AASDH: variants seen among roughly 807,000 people sequenced by gnomAD.
AASDH encodes the protein beta-alanine-activating enzyme.
Under a neutral mutation model 102.3 loss-of-function variants are expected in AASDH, and 81 were observed. That is an observed-to-expected ratio of 0.79 (90% CI 0.66 to 0.95). The LOEUF is 0.95. Ranked by LOEUF, AASDH falls within the 40% of genes least tolerant of loss-of-function variation. The pLI, the probability that AASDH is intolerant of heterozygous loss-of-function variation, is 0.00. For synonymous variants in AASDH, 398 were observed against 454.0 expected (o/e 0.88, Z 1.57); for missense variants, 1,203 against 1,266.2 (o/e 0.95, Z 0.76).
At chr4:56,369,751 C>T (rs1751463717) in intron 5 of AASDH, among the ~76,000 whole-genome samples, 1 of 151,546 alleles carries the variant, frequency 6.6e-6, no homozygotes, top group African/African-American at 2.4e-5. Context: ...ACCAGCCTGG[C>T]CATCATCACA....
intron 12 of AASDH, 67 bp from the exon 13 acceptor site, chr4:56,343,751 CATG>C: frequency 2.1e-6 from 3 of 1,459,366 alleles, no homozygotes; most frequent in South Asian, 1.4e-5. Flanking sequence ...ACCTACCCTT[CATG>C]ATATTATGTC....
At chr4:56,358,246 G>A (rs1245632788) in intron 5 of AASDH, among the ~76,000 whole-genome samples, 3 of 151,458 alleles carry the variant, frequency 2.0e-5, no homozygotes, top group Admixed American at 1.3e-4. Flanking sequence ...CTCCTCACCA[G>A]CCCCACCCCT....
At chr4:56,386,907 T>C (rs1397140932) in intron 1 of AASDH, among the ~76,000 whole-genome samples, 1 of 152,034 alleles carries the variant, frequency 6.6e-6, no homozygotes, top group African/African-American at 2.4e-5. Flanking sequence ...AGCTGCTATT[T>C]AGTCAACAAA....
intron 5 of AASDH, among the ~76,000 whole-genome samples, chr4:56,365,575 C>T (rs1287994462): frequency 6.6e-6 from 1 of 152,032 alleles, no homozygotes; most frequent in East Asian, 1.9e-4. Flanking sequence ...TCACTCAAAA[C>T]CGCTCAACTA....
At chr4:56,356,678 T>C (rs987082089) in intron 5 of AASDH, 9 of 689,078 alleles carry the variant, frequency 1.3e-5, no homozygotes, top group African/African-American at 8.7e-5. Flanking sequence ...CCTTATTGCA[T>C]TATCAAGGGG....
chr4:56,371,445 A>G lies in AASDH; in HGVS notation c.861+6T>C. 6.3e-7 allele frequency: 1 copy of G among 1,589,720 alleles called. No homozygotes were observed. The highest frequency in any genetic ancestry group is 1.2e-5 in the South Asian group (1 of 85,338). On this transcript the variant is annotated splice_donor_region_variant and intron_variant, in intron 5 of 14. Transcript: ENST00000205214. ...AAACAAAACGTTCATTGCTACTAAAATGTACCTGCAAAACAGTCACTCTAT... is the reference window on the plus strand; with the variant it reads ...AAACAAAACGTTCATTGCTACTAAAGTGTACCTGCAAAACAGTCACTCTAT...
At chr4:56,360,580 T>C (rs1750174022) in intron 5 of AASDH, among the ~76,000 whole-genome samples, 1 of 152,246 alleles carries the variant, frequency 6.6e-6, no homozygotes, top group African/African-American at 2.4e-5. Context: ...CTAAGATTGC[T>C]ATATGTCTTT....
At chr4:56,356,184 T>A (rs1482922260) in intron 5 of AASDH, 2 of 728,572 alleles carry the variant, frequency 2.7e-6, no homozygotes, top group Non-Finnish European at 5.0e-6. Context: ...GCCCCTGCTG[T>A]TGTGAAGAAG....
chr4:56,347,181 A>T (rs923757626), intron 11 of AASDH, among the ~76,000 whole-genome samples: 2 of 152,176 alleles, frequency 1.3e-5, no homozygotes, highest in African/African-American at 4.8e-5. Flanking sequence ...ACTAGCAAAA[A>T]TGTGGTGCAA....
At chr4:56,385,248 G>A (rs553151358) in intron 1 of AASDH, among the ~76,000 whole-genome samples, 1 of 152,150 alleles carries the variant, frequency 6.6e-6, no homozygotes, top group East Asian at 1.9e-4. Context: ...TATAAAAACA[G>A]TGTTTATTAC....
chr4:56,378,502 T>C (rs775248276), intron 3 of AASDH, 38 bp from the exon 4 acceptor site: 1 of 1,439,226 alleles, frequency 6.9e-7, no homozygotes, highest in South Asian at 1.4e-5. Flanking sequence ...AGTATTAGTA[T>C]GTTAAAAGAT....
At chr4:56,368,596 A>T (rs1751308478) in intron 5 of AASDH, among the ~76,000 whole-genome samples, 1 of 151,682 alleles carries the variant, frequency 6.6e-6, no homozygotes, top group Admixed American at 6.6e-5. Flanking sequence ...GGAAACCATC[A>T]TTCTCAGCAA....
At chr4:56,341,849 T>C (rs955290217) in intron 14 of AASDH, among the ~76,000 whole-genome samples, 2 of 151,820 alleles carry the variant, frequency 1.3e-5, no homozygotes, top group African/African-American at 4.8e-5. Context: ...TGGTGGCTCA[T>C]GCCTGTAATC....
chr4:56,362,161 AT>A (rs1326851764), intron 5 of AASDH, among the ~76,000 whole-genome samples: 3 of 152,092 alleles, frequency 2.0e-5, no homozygotes, highest in Non-Finnish European at 4.4e-5. Context: ...AGCTTAGTCC[AT>A]TTCACTTTGG....
chr4:56,353,961 C>G (rs560152907), intron 8 of AASDH, 78 bp downstream of exon 8: 16 of 1,332,294 alleles, frequency 1.2e-5, no homozygotes, highest in Non-Finnish European at 1.4e-5. Flanking sequence ...TAATAGAGAC[C>G]CCAGCACAGA....
chr4:56,382,201 TGGGG>T (rs1173808976), intron 3 of AASDH: 1 of 315,404 alleles, frequency 3.2e-6, no homozygotes, highest in Non-Finnish European at 5.8e-6. Flanking sequence ...AGAGCCCCTC[TGGGG>T]GACAATTGGC....
intron 5 of AASDH, among the ~76,000 whole-genome samples, chr4:56,369,623 G>A (rs1389860979): frequency 6.6e-6 from 1 of 152,102 alleles, no homozygotes; most frequent in African/African-American, 2.4e-5. Flanking sequence ...GATAATTTTA[G>A]TTTATCAAAA....
rs1747166283 is a variant in AASDH at position 56,338,584 on chromosome 4, C to T, written c.3115G>A (p.Ala1039Thr). 2 of 1,614,036 alleles carry T rather than the reference C, an allele frequency of 1.2e-6. No individual in the cohort carries two copies. The highest frequency in any genetic ancestry group is 8.5e-7 in the Non-Finnish European group (1 of 1,180,026). The change falls in exon 15 of 15, where the codon GCA becomes ACA. Residue 1039 changes from alanine to threonine, a missense_variant. Ala to Thr is a moderately conservative substitution (Grantham distance 58). Transcript: ENST00000205214. ...ACTTTCCCATCAGTAGATGCTGCTGCCAGCAACATTTCATTGCTGCCATTG... is the reference window on the plus strand; with the variant it reads ...ACTTTCCCATCAGTAGATGCTGCTGTCAGCAACATTTCATTGCTGCCATTG... Reference protein sequence around the residue: ...NYNGSNEMLLAAASTDGKVWI... With the variant: ...NYNGSNEMLLTAASTDGKVWI...
chr4:56,387,233 G>A (rs1753677296), intron 1 of AASDH, 129 bp downstream of exon 1: 1 of 152,326 alleles, frequency 6.6e-6, no homozygotes, highest in Non-Finnish European at 1.5e-5. Flanking sequence ...AGACCCCGAT[G>A]TATCAAATCC....
Sources: gnomAD v4.1 joint callset for allele counts (sites outside exome capture counted in the v4.1 genomes callset) on GRCh38, gnomAD v4.1.1 for gene constraint, MANE v1.5 for transcripts, NCBI Gene and HGNC (gene_info 2026-07-23, HGNC 2026-07-21) for gene names.